Variants in GRAP2 observed in about 807,000 individuals in gnomAD.
The protein encoded by GRAP2 is GRB2 related adaptor protein 2.
GRAP2 carries 31 observed loss-of-function variants against 43.5 expected under a neutral mutation model. The observed-to-expected ratio is 0.71, with a 90% confidence interval of 0.54 to 0.96. The LOEUF is 0.96. GRAP2 is among the 40% of genes least tolerant of loss of function. The pLI is 0.00. For synonymous variants in GRAP2, 156 were observed against 164.8 expected (o/e 0.95, Z 0.41); for missense variants, 371 against 424.4 (o/e 0.87, Z 1.11).
chr22:39,932,694 G>T (rs2066768282), intron 1 of GRAP2, among the ~76,000 whole-genome samples: 1 of 150,774 alleles, frequency 6.6e-6, no homozygotes, highest in Non-Finnish European at 1.5e-5. Flanking sequence ...CTCCAGCCTG[G>T]GCCACAGAAT....
chr22:39,904,468 A>G lies in GRAP2; in HGVS notation c.-15+3138A>G, dbSNP rs546047762. Among the ~76,000 whole-genome samples the G allele has an allele frequency of 7.2e-5, 11 of 152,360 alleles. No homozygotes were observed. In the South Asian group the frequency reaches 2.3e-3, roughly 32 times the overall value. ...AAACATAAAGAAAAGTTGAAATATT[A>G]GTACTCACTACCTAGGTTCAACAAT... On this transcript the variant is annotated intron_variant, in intron 1 of 7. Coordinates refer to ENST00000344138, the MANE Select transcript of GRAP2 (RefSeq NM_004810.4).
chr22:39,968,028 G>C lies in GRAP2; in HGVS notation c.460-14G>C, dbSNP rs753423541. 1.9e-6 allele frequency: 3 copies of C among 1,609,768 alleles called. No homozygotes were observed. Among genetic ancestry groups the C allele is most frequent in the Non-Finnish European group, 2.5e-6 (3 of 1,177,078 alleles). On this transcript the variant is annotated splice_polypyrimidine_tract_variant and intron_variant, in intron 5 of 7. Transcript: ENST00000344138. ...AGGAGGATGCATCTGCAGCATCTCTGTTCTTTCTCCCAGGGTCACCGGGGC... is the reference window on the plus strand; with the variant it reads ...AGGAGGATGCATCTGCAGCATCTCTCTTCTTTCTCCCAGGGTCACCGGGGC...
At chr22:39,914,419 C>G (rs1331604133) in intron 1 of GRAP2, among the ~76,000 whole-genome samples, 1 of 152,060 alleles carries the variant, frequency 6.6e-6, no homozygotes. Flanking sequence ...GAATTTAGCT[C>G]TAAATAAAAC....
intron 1 of GRAP2, among the ~76,000 whole-genome samples, chr22:39,939,130 G>A (rs1012387396): frequency 6.6e-6 from 1 of 152,160 alleles, no homozygotes; most frequent in Admixed American, 6.5e-5. Flanking sequence ...GTTTTGCTGG[G>A]GGTATATTTT....
At position 39,913,108 on chromosome 22, in the gene GRAP2, G is replaced by A. The variant is rs527766068; in HGVS notation, c.-15+11778G>A. Among the ~76,000 whole-genome samples the A allele has an allele frequency of 6.2e-4, 94 of 150,994 alleles. 2 individuals carry two copies. The Middle Eastern group carries it at 0.014, about 22-fold the overall frequency. On this transcript the variant is annotated intron_variant, in intron 1 of 7. Coordinates refer to ENST00000344138, the MANE Select transcript of GRAP2 (RefSeq NM_004810.4). ...CTCGGGTGGCTGAGGTGGGAGAATC[G>A]CTTATACCTAGGAGCTGGAGGTTGC...
At chr22:39,947,404 C>G (rs944535277) in intron 2 of GRAP2, 4 of 547,308 alleles carry the variant, frequency 7.3e-6, no homozygotes, top group Non-Finnish European at 1.3e-5. Context: ...GGTTCGTAGT[C>G]TGGAGAGGGG....
intron 1 of GRAP2, among the ~76,000 whole-genome samples, chr22:39,919,554 A>G (rs1208958404): frequency 2.0e-5 from 3 of 152,090 alleles, no homozygotes; most frequent in Non-Finnish European, 4.4e-5. Context: ...CTCCATTTCC[A>G]TCTATTCTTC....
chr22:39,938,914 T>C (rs2066835242), intron 1 of GRAP2, among the ~76,000 whole-genome samples: 1 of 152,128 alleles, frequency 6.6e-6, no homozygotes, highest in Admixed American at 6.5e-5. Context: ...TGAATTATAA[T>C]TCTCGGACAA....
chr22:39,915,188 CAAAAAA>C (rs71326789), intron 1 of GRAP2, among the ~76,000 whole-genome samples: 17 of 56,880 alleles, frequency 3.0e-4, no homozygotes, highest in African/African-American at 1.0e-3. Flanking sequence ...GACTCCATCT[CAAAAAA>C]AAAAAAAAAA....
Position 39,972,469 on chromosome 22 carries a change from A to T in GRAP2, c.*1385A>T, listed in dbSNP as rs1186266625. 1 of 152,308 alleles carries T rather than the reference A, an allele frequency of 6.6e-6. No individual in the cohort carries two copies. 9.4% of individuals were successfully genotyped at this position (152,308 alleles called of 1,614,324 possible). A position where few individuals can be genotyped will look rare whatever the true frequency, so the allele number is the denominator to read the frequency against. Reference sequence around the variant, plus strand: ...TGTGTGCATTCCTGCATGTGTGGACATGTGCGTGCATGCATCTGTGTGTCT... The same window carrying T: ...TGTGTGCATTCCTGCATGTGTGGACTTGTGCGTGCATGCATCTGTGTGTCT... On this transcript the variant is annotated 3_prime_UTR_variant, in exon 8 of 8. Coordinates refer to ENST00000344138, the MANE Select transcript of GRAP2 (RefSeq NM_004810.4).
At chr22:39,927,729 C>T (rs1370829527) in intron 1 of GRAP2, among the ~76,000 whole-genome samples, 1 of 152,020 alleles carries the variant, frequency 6.6e-6, no homozygotes, top group African/African-American at 2.4e-5. Flanking sequence ...AAGTTCATTT[C>T]GGCTCTTTTC....
At chr22:39,915,346 GCA>G (rs2066595772) in intron 1 of GRAP2, among the ~76,000 whole-genome samples, 1 of 152,096 alleles carries the variant, frequency 6.6e-6, no homozygotes, top group African/African-American at 2.4e-5. Flanking sequence ...GGTTGAGCAG[GCA>G]TTGACCCCAC....
rs1279817520 is a variant in GRAP2, at chr22:39,972,898, G to C, written c.*1814G>C. 1 of 153,448 alleles carries C rather than the reference G, an allele frequency of 6.5e-6. No individual in the cohort carries two copies. Among genetic ancestry groups the C allele is most frequent in the African/African-American group, 2.4e-5 (1 of 41,442 alleles). The allele number at this position is 153,448 out of a possible 1,614,324, so 9.5% of individuals were successfully genotyped here. ...AGGAGGATCAAGGGGCAGCGTGAGA[G>C]GCACAGGGGGAGGAAAGGGAGAGGG... On this transcript the variant is annotated 3_prime_UTR_variant, in exon 8 of 8. Coordinates refer to ENST00000344138, the MANE Select transcript of GRAP2 (RefSeq NM_004810.4).
At chr22:39,931,344 A>T (rs1205674756) in intron 1 of GRAP2, among the ~76,000 whole-genome samples, 1 of 152,224 alleles carries the variant, frequency 6.6e-6, no homozygotes, top group Non-Finnish European at 1.5e-5. Flanking sequence ...AGGACTTGAA[A>T]TGAAAGGCTA....
chr22:39,964,591 G>T, intron 4 of GRAP2: 2 of 775,884 alleles, frequency 2.6e-6, no homozygotes, highest in Non-Finnish European at 4.7e-6. Flanking sequence ...TGCCTAAGGA[G>T]ACGGTGACCC....
chr22:39,949,792 G>C (rs978993353), intron 2 of GRAP2, among the ~76,000 whole-genome samples: 1 of 152,082 alleles, frequency 6.6e-6, no homozygotes, highest in East Asian at 1.9e-4. Context: ...CCGCATTATC[G>C]GGATCATCCA....
intron 1 of GRAP2, among the ~76,000 whole-genome samples, chr22:39,916,553 T>G (rs2066604054): frequency 6.6e-6 from 1 of 152,258 alleles, no homozygotes; most frequent in African/African-American, 2.4e-5. Flanking sequence ...ATTTAAAAGT[T>G]AGTGAGTTGA....
chr22:39,918,552 CT>C (rs2066623059), intron 1 of GRAP2, among the ~76,000 whole-genome samples: 1 of 152,078 alleles, frequency 6.6e-6, no homozygotes, highest in African/African-American at 2.4e-5. Flanking sequence ...TATTTCTGAC[CT>C]GAATTTATTA....
At chr22:39,969,296 G>A in intron 6 of GRAP2, 115 bp from the exon 7 acceptor site, 1 of 1,169,832 alleles carries the variant, frequency 8.5e-7, no homozygotes, top group South Asian at 1.3e-5. Context: ...GTCATTATCA[G>A]TAAGTATTCC....
Sources: gnomAD v4.1 joint callset for allele counts (sites outside exome capture counted in the v4.1 genomes callset) on GRCh38, gnomAD v4.1.1 for gene constraint, MANE v1.5 for transcripts, NCBI Gene and HGNC (gene_info 2026-07-23, HGNC 2026-07-21) for gene names.